Variants in ST6GALNAC5 observed in about 807,000 individuals in gnomAD.
ST6GALNAC5 encodes the protein ST6 N-acetylgalactosaminide alpha-2,6-sialyltransferase 5.
ST6GALNAC5 carries 27 observed loss-of-function variants against 33.6 expected under a neutral mutation model. That is an observed-to-expected ratio of 0.80 (90% CI 0.59 to 1.11). The LOEUF is 1.11. Among genes scored for constraint, ST6GALNAC5 ranks in the 50% least tolerant of loss-of-function variants. ST6GALNAC5 has a pLI of 0.00. For synonymous variants in ST6GALNAC5, 194 were observed against 171.2 expected (o/e 1.13, Z -1.04); for missense variants, 428 against 454.0 (o/e 0.94, Z 0.52).
chr1:77,032,537 A>C (rs887706157), intron 2 of ST6GALNAC5, among the ~76,000 whole-genome samples: 6 of 152,158 alleles, frequency 3.9e-5, no homozygotes, highest in African/African-American at 1.4e-4. Context: ...GTTATTCTAC[A>C]TGGCTCTCTT....
rs571064125 is a variant in ST6GALNAC5, at chr1:77,002,307, G to A, written c.262-41897G>A. 4.8e-3 allele frequency among the ~76,000 whole-genome samples: 732 copies of A among 152,232 alleles called. 8 individuals carry two copies. The highest frequency in any genetic ancestry group is 0.017 in the African/African-American group (708 of 41,544). On this transcript the variant is annotated intron_variant, in intron 2 of 4. Transcript: ENST00000477717. ...GTGTTTGTAGTATTCTCTGATGGTA[G>A]TTTGTATTTCTGTGGGATCAGTGGT...
intron 2 of ST6GALNAC5, among the ~76,000 whole-genome samples, chr1:76,933,496 G>A (rs995810783): frequency 3.3e-5 from 5 of 151,986 alleles, no homozygotes; most frequent in Non-Finnish European, 5.9e-5. Context: ...AAAATGAAGA[G>A]AGGTGATGGA....
intron 2 of ST6GALNAC5, among the ~76,000 whole-genome samples, chr1:76,886,151 C>T (rs1653889894): frequency 6.6e-6 from 1 of 152,160 alleles, no homozygotes; most frequent in African/African-American, 2.4e-5. Context: ...TATTGTCCTT[C>T]CTAAAAAGAA....
At chr1:76,985,239 A>G (rs71425432) in intron 2 of ST6GALNAC5, among the ~76,000 whole-genome samples, 6 of 152,204 alleles carry the variant, frequency 3.9e-5, no homozygotes, top group African/African-American at 1.4e-4. Flanking sequence ...CTTTTTGAAG[A>G]TGACATGATT....
chr1:76,925,887 C>T (rs1016108312), intron 2 of ST6GALNAC5, among the ~76,000 whole-genome samples: 3 of 152,130 alleles, frequency 2.0e-5, no homozygotes, highest in African/African-American at 7.2e-5. Context: ...CCTAGAAGGA[C>T]ATTTTGATCC....
intron 2 of ST6GALNAC5, among the ~76,000 whole-genome samples, chr1:76,962,628 CTG>C (rs1343318195): frequency 3.9e-5 from 6 of 152,216 alleles, no homozygotes; most frequent in Non-Finnish European, 2.9e-5. Flanking sequence ...ACACTTGAAT[CTG>C]TGAATGAATT....
intron 2 of ST6GALNAC5, among the ~76,000 whole-genome samples, chr1:76,915,686 A>G (rs1424720222): frequency 7.4e-6 from 1 of 135,750 alleles, no homozygotes; most frequent in African/African-American, 2.8e-5. Flanking sequence ...CACTCGGGGG[A>G]CTGTTGTGGG....
chr1:76,991,896 T>C (rs993290273), intron 2 of ST6GALNAC5, among the ~76,000 whole-genome samples: 1 of 152,070 alleles, frequency 6.6e-6, no homozygotes, highest in East Asian at 1.9e-4. Context: ...ATTCTCAAAC[T>C]TTTAAAATAT....
intron 2 of ST6GALNAC5, among the ~76,000 whole-genome samples, chr1:76,914,672 C>A: frequency 6.6e-6 from 1 of 152,148 alleles, no homozygotes; most frequent in East Asian, 1.9e-4. Flanking sequence ...CTTCCTTACA[C>A]CTTATACAAA....
At chr1:77,004,279 C>T (rs1486243874) in intron 2 of ST6GALNAC5, among the ~76,000 whole-genome samples, 6 of 147,832 alleles carry the variant, frequency 4.1e-5, no homozygotes, top group African/African-American at 7.4e-5. Context: ...TCCAGTTGAT[C>T]GCATCAGCTC....
intron 2 of ST6GALNAC5, among the ~76,000 whole-genome samples, chr1:76,873,767 T>C (rs1653563676): frequency 6.6e-6 from 1 of 152,238 alleles, no homozygotes; most frequent in African/African-American, 2.4e-5. Context: ...CACATTAAAC[T>C]TTGAGAAACA....
intron 2 of ST6GALNAC5, among the ~76,000 whole-genome samples, chr1:76,987,852 GTGA>G (rs1649572035): frequency 6.6e-6 from 1 of 152,050 alleles, no homozygotes; most frequent in Admixed American, 6.6e-5. Context: ...ATGTGCCTAG[GTGA>G]TGATCTTTTT....
chr1:77,004,601 T>C (rs1172155536), intron 2 of ST6GALNAC5, among the ~76,000 whole-genome samples: 4 of 129,382 alleles, frequency 3.1e-5, no homozygotes, highest in African/African-American at 1.0e-4. Flanking sequence ...TCTGTTCTGT[T>C]TTTTCCCCAT....
chr1:76,899,778 G>A lies in ST6GALNAC5; in HGVS notation c.261+31036G>A, dbSNP rs551981821. Among the ~76,000 whole-genome samples the A allele has an allele frequency of 2.7e-4, 41 of 152,300 alleles. No homozygotes were observed. In the East Asian group the frequency reaches 3.7e-3, roughly 14 times the overall value. ...GCGCCAAGATTGAAAGAAGAAAGAC[G>A]TTGAGGGATAGTGAGAGAGGTTGGA... On this transcript the variant is annotated intron_variant, in intron 2 of 4. Coordinates refer to ENST00000477717, the MANE Select transcript of ST6GALNAC5 (RefSeq NM_030965.3).
chr1:76,874,915 C>CCTAA (rs1653601359), intron 2 of ST6GALNAC5, among the ~76,000 whole-genome samples: 1 of 152,060 alleles, frequency 6.6e-6, no homozygotes, highest in East Asian at 1.9e-4. Flanking sequence ...CATAATAATG[C>CCTAA]CTAACATAAT....
intron 4 of ST6GALNAC5, among the ~76,000 whole-genome samples, chr1:77,052,380 C>T (rs1273374949): frequency 6.6e-6 from 1 of 152,102 alleles, no homozygotes; most frequent in Non-Finnish European, 1.5e-5. Flanking sequence ...CACCAGGCAT[C>T]CAGTTTCGAC....
At chr1:77,025,311 T>A (rs1651190074) in intron 2 of ST6GALNAC5, among the ~76,000 whole-genome samples, 1 of 152,212 alleles carries the variant, frequency 6.6e-6, no homozygotes, top group African/African-American at 2.4e-5. Flanking sequence ...GGTGGGTGGA[T>A]CACCTGAGGT....
At chr1:77,050,924 G>A (rs544367688) in intron 4 of ST6GALNAC5, among the ~76,000 whole-genome samples, 3 of 152,304 alleles carry the variant, frequency 2.0e-5, no homozygotes, top group African/African-American at 7.2e-5. Context: ...CATGTGCCCA[G>A]GCAGAGTTCA....
intron 2 of ST6GALNAC5, among the ~76,000 whole-genome samples, chr1:76,918,191 A>T (rs937786242): frequency 3.3e-5 from 5 of 152,182 alleles, no homozygotes; most frequent in African/African-American, 1.2e-4. Flanking sequence ...AATGAAGCTG[A>T]TAATGTGCCT....
Sources: allele counts gnomAD v4.1 joint callset (sites outside exome capture counted in the v4.1 genomes callset), GRCh38; gene constraint gnomAD v4.1.1; transcripts MANE v1.5; gene names NCBI Gene and HGNC (gene_info 2026-07-23, HGNC 2026-07-21).